AMZ1: variants seen among roughly 807,000 people sequenced by gnomAD.
The protein encoded by AMZ1 is archaelysin family metallopeptidase 1.
AMZ1 carries 39 observed loss-of-function variants against 29.9 expected under a neutral mutation model. The ratio of observed to expected loss-of-function variants is 1.30; its 90% confidence interval spans 1.01 to 1.70. AMZ1 has a LOEUF of 1.70. AMZ1 is among the 40% of genes most tolerant of loss of function. The probability of loss-of-function intolerance (pLI) is 0.00; values close to 1 mark genes in which losing one functional copy is unlikely to be tolerated. For synonymous variants in AMZ1, 458 were observed against 304.0 expected, an observed-to-expected ratio of 1.51 and a Z score of -5.27; for missense variants, 1,041 against 680.6, an observed-to-expected ratio of 1.53 and a Z score of -5.89.
intron 5 of AMZ1, 100 bp from the exon 6 acceptor site, chr7:2,709,540 T>G (rs1788614785): frequency 1.3e-6 from 2 of 1,496,744 alleles, no homozygotes; most frequent in East Asian, 4.6e-5. Flanking sequence ...CCATCTGGCC[T>G]CACCCAGGTC....
intron 4 of AMZ1, among the ~76,000 whole-genome samples, chr7:2,742,480 T>C (rs145098061): frequency 9.2e-5 from 14 of 152,230 alleles, no homozygotes; most frequent in Non-Finnish European, 1.8e-4. Flanking sequence ...GCCCTGCTCC[T>C]GTTTATCTCA....
chr7:2,759,135 G>A (rs1443822871), intron 4 of AMZ1, among the ~76,000 whole-genome samples: 1 of 144,394 alleles, frequency 6.9e-6, no homozygotes, highest in African/African-American at 2.6e-5. Flanking sequence ...GCAAAACACT[G>A]TCTCAAAATA....
intron 4 of AMZ1, among the ~76,000 whole-genome samples, chr7:2,746,781 TAAA>T (rs1790785049): frequency 6.6e-6 from 1 of 151,444 alleles, no homozygotes; most frequent in African/African-American, 2.4e-5. Context: ...GCAAGACTAA[TAAA>T]GAAGAAAAGA....
rs928654060 is a variant in AMZ1 at position 2,710,468 on chromosome 7, C to G, written c.948+652C>G. On this transcript the variant is annotated intron_variant, in intron 6 of 6. Transcript: ENST00000683327. ...GGCACCAGAGCAGTCAATGAAACCG[C>G]GCTGGAAAGCCCCTGCATCCTCCTC... Among the ~76,000 whole-genome samples, 4 of 152,346 alleles carry G rather than the reference C, an allele frequency of 2.6e-5. No homozygotes were observed. The East Asian group carries it at 7.7e-4, about 29-fold the overall frequency.
chr7:2,681,004 G>C (rs1210832822), intron 1 of AMZ1, among the ~76,000 whole-genome samples: 1 of 152,250 alleles, frequency 6.6e-6, no homozygotes, highest in African/African-American at 2.4e-5. Context: ...GCGGCCTCCA[G>C]GTCAGAAACC....
intron 3 of AMZ1, among the ~76,000 whole-genome samples, chr7:2,705,562 C>T (rs1788304956): frequency 6.6e-6 from 1 of 152,324 alleles, no homozygotes; most frequent in Non-Finnish European, 1.5e-5. Context: ...GTGTTGGAAG[C>T]AGCTGTTCTT....
chr7:2,720,327 C>A (rs184533788), downstream of AMZ1, among the ~76,000 whole-genome samples: 1 of 152,198 alleles, frequency 6.6e-6, no homozygotes, highest in Admixed American at 6.5e-5. Flanking sequence ...CTCCCCACGT[C>A]AGGGTGAACA....
intron 4 of AMZ1, among the ~76,000 whole-genome samples, chr7:2,737,853 TAG>T (rs1315347401): frequency 6.6e-6 from 1 of 152,200 alleles, no homozygotes; most frequent in African/African-American, 2.4e-5. Flanking sequence ...TTCCACTGAA[TAG>T]AGACGCTAGC....
Position 2,709,729 on chromosome 7 carries a change from G to A in AMZ1, c.861G>A (p.Glu287=). 2 of 1,611,430 alleles carry A rather than the reference G, an allele frequency of 1.2e-6. No individual in the cohort carries two copies. The highest frequency in any genetic ancestry group is 1.1e-5 in the South Asian group (1 of 91,012). ...TGCAGGGTGCGCTCAGCCTGGACGA[G>A]GCCCTGCGGCGGCCCCTGGACCTCT... ...CLMQGALSLD[E]ALRRPLDLCP... Residue 287 remains glutamate (E), a synonymous_variant, in exon 6 of 7, where the codon GAG becomes GAA. Coordinates refer to ENST00000683327, the MANE Select transcript of AMZ1 (RefSeq NM_001384743.1).
chr7:2,708,262 G>C (rs929914301), intron 3 of AMZ1, among the ~76,000 whole-genome samples: 2 of 152,184 alleles, frequency 1.3e-5, no homozygotes, highest in African/African-American at 4.8e-5. Context: ...GACTCTCTGG[G>C]GCTGTCGCTC....
In AMZ1 at chr7:2,702,787, T is replaced by C. The variant is rs1052598511; in HGVS notation, c.370T>C (p.Phe124Leu). Residue 124 changes from phenylalanine to leucine, a missense_variant, in exon 3 of 7, where the codon TTC (phenylalanine) becomes CTC (leucine). By Grantham distance (22) the Phe-to-Leu change is conservative. Transcript: ENST00000683327. ...HQLCSCTEAF[F>L]LGLRVKCLPS... Reference sequence around the variant, plus strand: ...GCTGTGCAGCTGCACAGAGGCCTTCTTCCTGGGCCTGCGCGTCAAGTGCCT... The same window carrying C: ...GCTGTGCAGCTGCACAGAGGCCTTCCTCCTGGGCCTGCGCGTCAAGTGCCT... The C allele has an allele frequency of 7.8e-6, 12 of 1,545,134 alleles. No homozygotes were observed. The highest frequency in any genetic ancestry group is 1.0e-5 in the Non-Finnish European group (12 of 1,148,040).
rs1789911442 is a variant in AMZ1 at position 2,731,812 on chromosome 7, A to G, written n.550+21996A>G. 1 of 878,250 alleles carries G rather than the reference A, an allele frequency of 1.1e-6. No homozygotes were observed. Among genetic ancestry groups the G allele is most frequent in the Non-Finnish European group, 1.7e-6 (1 of 606,040 alleles). The allele number at this position is 878,250 out of a possible 1,614,324, so 54.4% of individuals were successfully genotyped here. On this transcript the variant is annotated intron_variant and non_coding_transcript_variant, in intron 4 of 4. Transcript: ENST00000489665. This position sits in a 1 kb window ranked among gnomAD's most constrained non-coding sequence, Gnocchi z 6.0. ...GGAAGAAAGAACAGAGAAAATAGAA[A>G]CAAAAAGATGGCAAAAAGATAAGAA...
At chr7:2,740,819 C>T (rs1372057507) in intron 4 of AMZ1, among the ~76,000 whole-genome samples, 1 of 152,124 alleles carries the variant, frequency 6.6e-6, no homozygotes, top group African/African-American at 2.4e-5. Flanking sequence ...CCGAGGCGGA[C>T]GGATCACGAG....
At chr7:2,724,106 G>A (rs1310875865), downstream of AMZ1, among the ~76,000 whole-genome samples, 1 of 151,788 alleles carries the variant, frequency 6.6e-6, no homozygotes, top group Non-Finnish European at 1.5e-5. Context: ...GGGGAGTGGG[G>A]GGGCGGGTCT....
In AMZ1 at chr7:2,710,075, C is replaced by G. The variant is rs563795252; in HGVS notation, c.948+259C>G. ...CAGCGGGGTCGAGTGGGGACGAGGG[C>G]TTTTCTCCCTCTGTCAGGAAGAGCT... On this transcript the variant is annotated intron_variant, in intron 6 of 6. Coordinates refer to ENST00000683327, the MANE Select transcript of AMZ1 (RefSeq NM_001384743.1). Among the ~76,000 whole-genome samples the G allele has an allele frequency of 9.1e-4, 139 of 152,334 alleles. 1 individual carries two copies. The highest frequency in any genetic ancestry group is 2.6e-3 in the African/African-American group (109 of 41,582).
chr7:2,699,498 G>A (rs1456200959), intron 1 of AMZ1, among the ~76,000 whole-genome samples: 2 of 152,088 alleles, frequency 1.3e-5, no homozygotes, highest in Admixed American at 6.6e-5. Context: ...GTGTCCTGGG[G>A]ACGTCTGCGT....
upstream of AMZ1, chr7:2,762,301 AC>A (rs1335998774): frequency 3.5e-6 from 1 of 284,974 alleles, no homozygotes; most frequent in Admixed American, 5.4e-5. Context: ...GCCGGCGTGC[AC>A]CCACCACTCA....
At chr7:2,691,110 C>T (rs1191363126) in intron 1 of AMZ1, among the ~76,000 whole-genome samples, 1 of 143,324 alleles carries the variant, frequency 7.0e-6, no homozygotes, top group Non-Finnish European at 1.5e-5. Context: ...TGCCACTGCA[C>T]TCCAGCCTGG....
intron 6 of AMZ1, among the ~76,000 whole-genome samples, chr7:2,711,043 C>T (rs1396798190): frequency 6.6e-6 from 1 of 152,220 alleles, no homozygotes; most frequent in East Asian, 1.9e-4. Flanking sequence ...GTATGCCCCT[C>T]CCTACACGTG....
Sources: gnomAD v4.1 joint callset for allele counts (sites outside exome capture counted in the v4.1 genomes callset) on GRCh38, gnomAD v4.1.1 for gene constraint, Gnocchi (gnomAD v3.1) non-coding constraint, MANE v1.5 for transcripts, NCBI Gene and HGNC (gene_info 2026-07-23, HGNC 2026-07-21) for gene names.